The following HHIPL1 variants were observed in gnomAD, a reference collection of about 807,000 sequenced individuals.
HHIPL1 encodes the protein HHIP-like protein 1.
Under a neutral mutation model 61.8 loss-of-function variants are expected in HHIPL1, and 43 were observed. That is an observed-to-expected ratio of 0.70 (90% CI 0.55 to 0.90). HHIPL1 has a LOEUF of 0.90. Among genes scored for constraint, HHIPL1 ranks in the 40% least tolerant of loss-of-function variants. The probability of loss-of-function intolerance (pLI) is 0.00; values close to 1 mark genes in which losing one functional copy is unlikely to be tolerated. For missense variants in HHIPL1, 1,056 were observed against 1,157.7 expected (o/e 0.91, Z 1.28); for synonymous variants, 482 against 515.8 (o/e 0.93, Z 0.89).
the HHIPL1 span, among the ~76,000 whole-genome samples, chr14:99,635,267 G>A: frequency 2.5e-3 from 383 of 152,278 alleles, 1 homozygote; most frequent in African/African-American, 8.8e-3. Context: ...TCCGCCTGCC[G>A]TCCTGAGTGG....
rs2056410817 is a variant in HHIPL1 at position 99,678,432 on chromosome 14, C to T, written c.*2806C>T. On this transcript the variant is annotated 3_prime_UTR_variant, in exon 9 of 9. Coordinates refer to ENST00000330710, the MANE Select transcript of HHIPL1 (RefSeq NM_001127258.3). The stretch of plus-strand genomic sequence containing the variant: ...TTTTACTTTCTGCAGAAAGGGTGCT[C>T]ATCGCAGATGGAACAATAGTGAGAG... 6.6e-6 allele frequency: 1 copy of T among 152,212 alleles called. No homozygotes were observed. The highest frequency in any genetic ancestry group is 1.5e-5 in the Non-Finnish European group (1 of 68,036). 9.4% of individuals were successfully genotyped at this position (152,212 alleles called of 1,614,324 possible).
the HHIPL1 span, among the ~76,000 whole-genome samples, chr14:99,627,079 C>T: frequency 6.0e-4 from 91 of 152,280 alleles, no homozygotes; most frequent in Non-Finnish European, 9.9e-4. The surrounding 1 kb of genome is among the most constrained non-coding windows in gnomAD (Gnocchi z 4.4). Flanking sequence ...GCCACACCAC[C>T]CCTTTCACCC....
At chr14:99,605,062 T>C in the HHIPL1 span, among the ~76,000 whole-genome samples, 1 of 152,124 alleles carries the variant, frequency 6.6e-6, no homozygotes, top group Non-Finnish European at 1.5e-5. Context: ...TCTGCCCCGA[T>C]GGGGCGAGAG....
At chr14:99,665,149 A>G (rs937628457) in intron 6 of HHIPL1, among the ~76,000 whole-genome samples, 5 of 151,932 alleles carry the variant, frequency 3.3e-5, no homozygotes, top group African/African-American at 1.2e-4. Context: ...CTGGTCTCGA[A>G]CCCCTGACCT....
chr14:99,630,635 G>T, the HHIPL1 span, among the ~76,000 whole-genome samples: 1 of 152,236 alleles, frequency 6.6e-6, no homozygotes, highest in Non-Finnish European at 1.5e-5. Context: ...GTCCACCGCC[G>T]AAGGCCGCTG....
chr14:99,672,763 T>C (rs2056339074), intron 8 of HHIPL1, among the ~76,000 whole-genome samples: 1 of 152,092 alleles, frequency 6.6e-6, no homozygotes, highest in African/African-American at 2.4e-5. Flanking sequence ...CCTTCATAGA[T>C]TGTTGACAAG....
chr14:99,641,576 G>A (rs1454056315), upstream of HHIPL1, among the ~76,000 whole-genome samples: 1 of 151,892 alleles, frequency 6.6e-6, no homozygotes, highest in Non-Finnish European at 1.5e-5. Context: ...ACCATGCCTG[G>A]CTAATTTTTT....
At chr14:99,657,937 A>G (rs2056079736) in intron 3 of HHIPL1, among the ~76,000 whole-genome samples, 2 of 152,118 alleles carry the variant, frequency 1.3e-5, no homozygotes, top group South Asian at 4.2e-4. Flanking sequence ...ACATACACAT[A>G]CACACATCTA....
At chr14:99,637,123 A>G in the HHIPL1 span, among the ~76,000 whole-genome samples, 3 of 118,648 alleles carry the variant, frequency 2.5e-5, no homozygotes, top group Non-Finnish European at 3.5e-5. Context: ...AAGAAAGAAA[A>G]GAAAGAGAGA....
Position 99,652,784 on chromosome 14 carries a change from G to A in HHIPL1, c.816G>A (p.Val272=). 3 of 1,614,086 alleles carry A rather than the reference G, an allele frequency of 1.9e-6. No homozygotes were observed. Among genetic ancestry groups the A allele is most frequent in the Non-Finnish European group, 2.5e-6 (3 of 1,180,040 alleles). ...HNRRLYVYYS[V]GIRSSEWIRI... Reference sequence around the variant, plus strand: ...GCAGGCTCTACGTCTACTACTCAGTGGGTATCCGCAGCAGTGAGTGGATCC... The same window carrying A: ...GCAGGCTCTACGTCTACTACTCAGTAGGTATCCGCAGCAGTGAGTGGATCC... The change falls in exon 2 of 9, where the codon GTG becomes GTA. Residue 272 remains valine, a synonymous_variant. Transcript: ENST00000330710.
intron 6 of HHIPL1, among the ~76,000 whole-genome samples, chr14:99,664,705 C>T (rs2056214082): frequency 6.6e-6 from 1 of 152,186 alleles, no homozygotes; most frequent in South Asian, 2.1e-4. Context: ...GCTCTAGGGA[C>T]AGTCCACACC....
the HHIPL1 span, among the ~76,000 whole-genome samples, chr14:99,628,760 G>A: frequency 6.6e-6 from 1 of 152,054 alleles, no homozygotes; most frequent in Non-Finnish European, 1.5e-5. Context: ...ACAGTCCAGT[G>A]GGTCCCTTCT....
intron 6 of HHIPL1, among the ~76,000 whole-genome samples, chr14:99,663,772 AC>A (rs1195979745): frequency 6.6e-6 from 1 of 151,594 alleles, no homozygotes; most frequent in African/African-American, 2.4e-5. Flanking sequence ...TCTTCCTCTT[AC>A]CCCCACCTCA....
chr14:99,644,619 C>A (rs1451808812), upstream of HHIPL1, among the ~76,000 whole-genome samples: 1 of 151,992 alleles, frequency 6.6e-6, no homozygotes, highest in Non-Finnish European at 1.5e-5. Flanking sequence ...AATCCGCTGC[C>A]CCAGGAGCAG....
rs1326400861 is a variant in HHIPL1 at position 99,678,406 on chromosome 14, AT to A, written c.*2784del. On this transcript the variant is annotated 3_prime_UTR_variant, in exon 9 of 9. Transcript: ENST00000330710. ...TAAATTTAATTCTTTCAGCAAGGCA[AT>A]TTTACTTTCTGCAGAAAGGGTGCTC... 6.6e-6 allele frequency: 1 copy of A among 152,230 alleles called. No homozygotes were observed. Among genetic ancestry groups the A allele is most frequent in the Non-Finnish European group, 1.5e-5 (1 of 68,038 alleles). 9.4% of individuals were successfully genotyped at this position (152,230 alleles called of 1,614,324 possible). A position where few individuals can be genotyped will look rare whatever the true frequency, so the allele number is the denominator to read the frequency against.
the HHIPL1 span, among the ~76,000 whole-genome samples, chr14:99,622,579 C>G: frequency 2.6e-5 from 4 of 152,214 alleles, no homozygotes; most frequent in African/African-American, 7.2e-5. Flanking sequence ...CATGCTCCCC[C>G]CAACCTGTCT....
chr14:99,621,956 C>T, the HHIPL1 span, among the ~76,000 whole-genome samples: 23 of 152,140 alleles, frequency 1.5e-4, no homozygotes, highest in African/African-American at 5.3e-4. Context: ...ACCTCGTGAT[C>T]CGCCCACCTT....
chr14:99,650,595 A>G (rs2055912629), intron 1 of HHIPL1, among the ~76,000 whole-genome samples: 1 of 152,108 alleles, frequency 6.6e-6, no homozygotes. Flanking sequence ...CGTGGCTCAA[A>G]CCCCAGCCCA....
chr14:99,646,957 G>C (rs1253003527), intron 1 of HHIPL1, among the ~76,000 whole-genome samples: 3 of 152,110 alleles, frequency 2.0e-5, no homozygotes, highest in Non-Finnish European at 4.4e-5. Context: ...GGCTCGGTAA[G>C]TGTTTGCAGT....
Sources: gnomAD v4.1 joint callset for allele counts (sites outside exome capture counted in the v4.1 genomes callset) on GRCh38, gnomAD v4.1.1 for gene constraint, Gnocchi (gnomAD v3.1) non-coding constraint, MANE v1.5 for transcripts, NCBI Gene and HGNC (gene_info 2026-07-23, HGNC 2026-07-21) for gene names.